Variants in DCDC1 observed in about 807,000 individuals in gnomAD.
DCDC1 encodes doublecortin domain-containing protein 1.
A neutral mutation model predicts 178.3 loss-of-function variants in DCDC1; 200 were observed. The observed-to-expected ratio is 1.12, with a 90% CI of 1.00 to 1.26. DCDC1 has a LOEUF of 1.26. DCDC1 is among the 50% of genes most tolerant of loss of function. DCDC1 has a pLI of 0.00. For synonymous variants in DCDC1, 690 were observed against 604.8 expected, an observed-to-expected ratio of 1.14 and a Z score of -2.07; for missense variants, 1,983 against 1,749.2, an observed-to-expected ratio of 1.13 and a Z score of -2.38.
At chr11:31,017,789 T>A (rs546957169) in intron 20 of DCDC1, among the ~76,000 whole-genome samples, 1 of 152,246 alleles carries the variant, frequency 6.6e-6, no homozygotes, top group South Asian at 2.1e-4. Context: ...AGATCTTACT[T>A]ACTATGTTGC....
At chr11:31,235,345 TGCCTACC>T (rs1224606173) in intron 9 of DCDC1, among the ~76,000 whole-genome samples, 2 of 151,606 alleles carry the variant, frequency 1.3e-5, no homozygotes, top group Non-Finnish European at 2.9e-5. Context: ...AAACTTAAAG[TGCCTACC>T]TCTATAAACT....
At chr11:31,142,028 T>A (rs753102755) in intron 9 of DCDC1, among the ~76,000 whole-genome samples, 4 of 152,230 alleles carry the variant, frequency 2.6e-5, no homozygotes, top group Non-Finnish European at 4.4e-5. Flanking sequence ...TCAGAATGAA[T>A]GTCACTGTAT....
intron 20 of DCDC1, among the ~76,000 whole-genome samples, chr11:30,976,599 C>T (rs941274325): frequency 3.3e-5 from 5 of 151,418 alleles, no homozygotes; most frequent in African/African-American, 9.7e-5. Flanking sequence ...CATCACTAAT[C>T]GTCAGAGAAA....
chr11:31,102,025 C>G (rs1446952033), intron 15 of DCDC1, among the ~76,000 whole-genome samples, 152 bp downstream of exon 15: 1 of 150,314 alleles, frequency 6.7e-6, no homozygotes, highest in Non-Finnish European at 1.5e-5. Flanking sequence ...TGCAGTGAGC[C>G]GAGATGGCAC....
chr11:31,013,586 T>A (rs910101946), intron 20 of DCDC1, among the ~76,000 whole-genome samples: 13 of 152,196 alleles, frequency 8.5e-5, no homozygotes, highest in Non-Finnish European at 1.3e-4. Flanking sequence ...CTTTCATATA[T>A]ACAGTAGATA....
intron 20 of DCDC1, among the ~76,000 whole-genome samples, chr11:31,033,262 G>A (rs541614623): frequency 1.3e-5 from 2 of 151,614 alleles, no homozygotes; most frequent in Non-Finnish European, 2.9e-5. Context: ...ACTTACCAGG[G>A]GAAAAAATTA....
intron 10 of DCDC1, among the ~76,000 whole-genome samples, chr11:31,135,596 G>T (rs993103817): frequency 1.3e-5 from 2 of 152,034 alleles, no homozygotes; most frequent in African/African-American, 2.4e-5. Flanking sequence ...ATCTTCAGAG[G>T]CTATGGAATA....
intron 9 of DCDC1, among the ~76,000 whole-genome samples, chr11:31,176,911 G>C (rs557715313): frequency 6.6e-6 from 1 of 152,108 alleles, no homozygotes; most frequent in African/African-American, 2.4e-5. Flanking sequence ...GGAATGCTAC[G>C]ACTGGAAACA....
intron 20 of DCDC1, among the ~76,000 whole-genome samples, chr11:31,030,961 T>C (rs1419825232): frequency 6.6e-6 from 1 of 152,082 alleles, no homozygotes; most frequent in Non-Finnish European, 1.5e-5. Context: ...TCTTATAAGC[T>C]TAAGGAAAAC....
intron 8 of DCDC1, among the ~76,000 whole-genome samples, chr11:31,257,401 C>CT (rs1461981683): frequency 3.9e-5 from 6 of 152,082 alleles, no homozygotes; most frequent in Non-Finnish European, 8.8e-5. Context: ...ATGGCTTCAC[C>CT]TACAGAAAGG....
intron 9 of DCDC1, among the ~76,000 whole-genome samples, chr11:31,164,820 G>A (rs1343249483): frequency 1.3e-5 from 2 of 152,184 alleles, no homozygotes; most frequent in East Asian, 3.8e-4. Flanking sequence ...GTAGCGTTCA[G>A]TAATATCCTA....
At position 31,130,599 on chromosome 11, in the gene DCDC1, A is replaced by G. The variant is rs147736798; in HGVS notation, c.1315-2960T>C. 6.0e-3 allele frequency among the ~76,000 whole-genome samples: 908 copies of G among 152,342 alleles called. 6 individuals are homozygous for G. The highest frequency in any genetic ancestry group is 0.021 in the African/African-American group (867 of 41,586). On this transcript the variant is annotated intron_variant, in intron 10 of 38. Coordinates refer to ENST00000684477, the MANE Select transcript of DCDC1 (RefSeq NM_001387274.1). ...AATACTTGTTTTAAGTCACTCAGCT[A>G]TTGGGCTCCTTGACTTATACAGCAC... is the stretch of plus-strand genomic sequence containing the variant.
intron 21 of DCDC1, among the ~76,000 whole-genome samples, chr11:30,946,436 A>T (rs973697400): frequency 1.4e-4 from 21 of 152,288 alleles, no homozygotes; most frequent in Admixed American, 3.3e-4. Flanking sequence ...ACTGGCTTAG[A>T]CTGCCCACCA....
chr11:31,044,751 G>T (rs1954716893), intron 20 of DCDC1, among the ~76,000 whole-genome samples: 1 of 152,146 alleles, frequency 6.6e-6, no homozygotes. Flanking sequence ...GCCTTAAGAA[G>T]CCCTAAGTAG....
At chr11:31,291,159 G>A (rs995838081) in intron 6 of DCDC1, among the ~76,000 whole-genome samples, 27 of 151,926 alleles carry the variant, frequency 1.8e-4, no homozygotes, top group African/African-American at 5.6e-4. Context: ...CTGATTAAAC[G>A]CACCCAGCTG....
chr11:31,168,398 T>C (rs1465060528), intron 9 of DCDC1, among the ~76,000 whole-genome samples: 1 of 152,160 alleles, frequency 6.6e-6, no homozygotes, highest in Non-Finnish European at 1.5e-5. Flanking sequence ...TTCCAATAAT[T>C]ATTTGATATT....
chr11:31,360,333 G>A (rs766538725), intron 1 of DCDC1, among the ~76,000 whole-genome samples: 9 of 152,096 alleles, frequency 5.9e-5, no homozygotes, highest in Non-Finnish European at 1.2e-4. Flanking sequence ...AGAAAGATGT[G>A]GAGACTTTGG....
At chr11:30,978,811 C>CACAA (rs1354842880) in intron 20 of DCDC1, among the ~76,000 whole-genome samples, 6 of 92,650 alleles carry the variant, frequency 6.5e-5, no homozygotes, top group African/African-American at 1.9e-4. Context: ...CACACACACA[C>CACAA]ACACACACAC....
At chr11:31,234,250 T>C (rs775488998) in intron 9 of DCDC1, among the ~76,000 whole-genome samples, 14 of 152,176 alleles carry the variant, frequency 9.2e-5, no homozygotes, top group Non-Finnish European at 1.8e-4. Context: ...TCTAACATAA[T>C]TGAGAAAGTT....
Sources: allele counts gnomAD v4.1 joint callset (sites outside exome capture counted in the v4.1 genomes callset), GRCh38; gene constraint gnomAD v4.1.1; transcripts MANE v1.5; gene names NCBI Gene and HGNC (gene_info 2026-07-23, HGNC 2026-07-21).